ATPAF2: variants seen among roughly 807,000 people sequenced by gnomAD.
ATPAF2 encodes ATP synthase mitochondrial F1 complex assembly factor 2.
A neutral mutation model predicts 36.6 loss-of-function variants in ATPAF2; 30 were observed. That is an observed-to-expected ratio of 0.82 (90% CI 0.61 to 1.11). The LOEUF (loss-of-function observed/expected upper bound fraction) is 1.11. Among genes scored for constraint, ATPAF2 ranks in the 50% most tolerant of loss-of-function variants. ATPAF2 has a pLI of 0.00. For missense variants in ATPAF2, 321 were observed against 372.3 expected (o/e 0.86, Z 1.13); for synonymous variants, 140 against 152.6 (o/e 0.92, Z 0.61).
At chr17:18,028,882 TG>T (rs2044586466) in intron 1 of ATPAF2, among the ~76,000 whole-genome samples, 1 of 152,142 alleles carries the variant, frequency 6.6e-6, no homozygotes, top group African/African-American at 2.4e-5. Flanking sequence ...GAACAGAACA[TG>T]CTGGTCATAC....
intron 7 of ATPAF2, among the ~76,000 whole-genome samples, chr17:18,019,655 C>T (rs1052858776): frequency 1.3e-5 from 2 of 152,182 alleles, no homozygotes; most frequent in African/African-American, 4.8e-5. Flanking sequence ...TCCAACCAAA[C>T]CTTGCTGGCT....
intron 1 of ATPAF2, among the ~76,000 whole-genome samples, chr17:18,031,687 G>T (rs1302312239): frequency 3.9e-5 from 6 of 152,148 alleles, no homozygotes; most frequent in Admixed American, 3.9e-4. Flanking sequence ...GGCTGAGGCA[G>T]GAGAATGGCG....
Position 18,039,167 on chromosome 17 carries a change from A to T in ATPAF2, c.-154T>A. 1 of 1,133,958 alleles carries T rather than the reference A, an allele frequency of 8.8e-7. No homozygotes were observed. Among genetic ancestry groups the T allele is most frequent in the East Asian group, 2.6e-5 (1 of 38,482 alleles). The allele number at this position is 1,133,958 out of a possible 1,614,324, so 70.2% of individuals were successfully genotyped here. ...TCCCTTGGACGCCGCCATCTTCCGC[A>T]TGACACCTACGGCGCGCCGTCGCCG... On this transcript the variant is annotated 5_prime_UTR_variant, in exon 1 of 8. An upstream start codon of the reference 5' UTR is lost. Transcript: ENST00000474627. This position sits in a 1 kb window ranked among gnomAD's most constrained non-coding sequence, Gnocchi z 5.3.
At position 18,021,114 on chromosome 17, in the gene ATPAF2, G is replaced by A. The variant is rs2044462832; in HGVS notation, c.732+9C>T. 1.9e-6 allele frequency: 3 copies of A among 1,610,186 alleles called. No homozygotes were observed. In the South Asian group the frequency reaches 3.3e-5, roughly 18 times the overall value. ...AGGGGGAGGCGGGACCTGAGGTGCT[G>A]CTCCTCACCTGGTACTCCTCCTCCA... On this transcript the variant is annotated intron_variant, in intron 7 of 7. Coordinates refer to ENST00000474627, the MANE Select transcript of ATPAF2 (RefSeq NM_145691.4).
chr17:18,019,474 A>C (rs865807718), intron 7 of ATPAF2, among the ~76,000 whole-genome samples: 6 of 152,326 alleles, frequency 3.9e-5, no homozygotes, highest in African/African-American at 1.4e-4. Context: ...GGAATAACTA[A>C]ATCAAGTAAG....
chr17:18,031,853 T>G (rs1412871235), intron 1 of ATPAF2, among the ~76,000 whole-genome samples: 1 of 152,188 alleles, frequency 6.6e-6, no homozygotes, highest in Non-Finnish European at 1.5e-5. Flanking sequence ...CTATGGCACC[T>G]TCATCTGAAA....
At chr17:18,031,719 G>T (rs1217664642) in intron 1 of ATPAF2, among the ~76,000 whole-genome samples, 3 of 152,132 alleles carry the variant, frequency 2.0e-5, no homozygotes, top group Non-Finnish European at 4.4e-5. Flanking sequence ...GGTGGAGCTT[G>T]CAGTGAGCTG....
chr17:18,022,441 C>G (rs575896508), intron 5 of ATPAF2, among the ~76,000 whole-genome samples: 1 of 152,120 alleles, frequency 6.6e-6, no homozygotes, highest in Non-Finnish European at 1.5e-5. Context: ...GCCACCACAC[C>G]TAGCTAATTT....
chr17:18,018,585 C>T lies in ATPAF2; in HGVS notation c.834G>A (p.Glu278=). ...GGAGCTTGTGCTTGACTGTGGTGCTCTCGGAGCAGAGATGGATGAAGAGGG... is the reference window on the plus strand; with the variant it reads ...GGAGCTTGTGCTTGACTGTGGTGCTTTCGGAGCAGAGATGGATGAAGAGGG... ...AGTLFIHLCS[E]STTVKHKLLK... is the part of the protein sequence containing the mutation. Residue 278 remains glutamate, a synonymous_variant, in exon 8 of 8, where the codon GAG becomes GAA. Transcript: ENST00000474627. 4.3e-6 allele frequency: 7 copies of T among 1,613,946 alleles called. No homozygotes were observed. Among genetic ancestry groups the T allele is most frequent in the South Asian group, 3.3e-5 (3 of 91,076 alleles).
chr17:18,022,020 C>G (rs1037922143), intron 5 of ATPAF2, among the ~76,000 whole-genome samples, 163 bp from the exon 6 acceptor site: 1 of 152,150 alleles, frequency 6.6e-6, no homozygotes, highest in Admixed American at 6.5e-5. Context: ...AGTGGCCTCC[C>G]GACCTGATTT....
chr17:18,031,479 A>T (rs1457917540), intron 1 of ATPAF2, among the ~76,000 whole-genome samples: 2 of 151,962 alleles, frequency 1.3e-5, no homozygotes, highest in African/African-American at 4.8e-5. Context: ...TAAAATAGAC[A>T]GAGTTTAAAG....
chr17:18,030,874 C>T (rs1309221119), intron 1 of ATPAF2, among the ~76,000 whole-genome samples: 7 of 131,050 alleles, frequency 5.3e-5, no homozygotes, highest in Non-Finnish European at 1.1e-4. Flanking sequence ...GGGGTTTCAC[C>T]GTGTTAGCCA....
chr17:18,020,843 T>C (rs2044459533), intron 7 of ATPAF2: 2 of 495,752 alleles, frequency 4.0e-6, no homozygotes, highest in South Asian at 5.1e-5. Flanking sequence ...TGTATTTTTG[T>C]AGAGAGAGGG....
chr17:18,016,749 C>T (rs1248573418), downstream of ATPAF2: 19 of 863,944 alleles, frequency 2.2e-5, no homozygotes, highest in Non-Finnish European at 3.0e-5. Context: ...ACGCCTCACC[C>T]GCACCTCTAG....
intron 5 of ATPAF2, among the ~76,000 whole-genome samples, chr17:18,023,599 T>C (rs1435014464): frequency 1.8e-4 from 27 of 152,358 alleles, no homozygotes; most frequent in Non-Finnish European, 5.9e-5. Context: ...TTATTACATT[T>C]CATTAGATTC....
downstream of ATPAF2, chr17:18,016,303 A>G: frequency 5.7e-6 from 7 of 1,238,428 alleles, no homozygotes; most frequent in Admixed American, 6.0e-5. Context: ...GAAATGAAGG[A>G]AGAAATAAAA....
downstream of ATPAF2, among the ~76,000 whole-genome samples, chr17:18,017,775 C>T (rs1239873984): frequency 6.6e-6 from 1 of 152,210 alleles, no homozygotes; most frequent in Non-Finnish European, 1.5e-5. Context: ...CCACTCTTCC[C>T]CCCTGCCCTC....
intron 1 of ATPAF2, among the ~76,000 whole-genome samples, chr17:18,033,328 C>A (rs1272744081): frequency 6.6e-6 from 1 of 150,938 alleles, no homozygotes; most frequent in Non-Finnish European, 1.5e-5. Context: ...CGCCACTGCA[C>A]CCCAACCAGG....
At chr17:18,033,751 G>A (rs576132185) in intron 1 of ATPAF2, among the ~76,000 whole-genome samples, 34 of 152,148 alleles carry the variant, frequency 2.2e-4, no homozygotes, top group Non-Finnish European at 4.3e-4. Flanking sequence ...ATCCTAGGGC[G>A]GCTCTAACCA....
Sources: gnomAD v4.1 joint callset for allele counts (sites outside exome capture counted in the v4.1 genomes callset) on GRCh38, gnomAD v4.1.1 for gene constraint, Gnocchi (gnomAD v3.1) non-coding constraint, MANE v1.5 for transcripts, NCBI Gene and HGNC (gene_info 2026-07-23, HGNC 2026-07-21) for gene names.